The following LAMA5 variants were observed in gnomAD, a reference collection of about 807,000 sequenced individuals.
LAMA5 encodes the protein laminin subunit alpha-5.
LAMA5 carries 260 observed loss-of-function variants against 433.4 expected under a neutral mutation model. The observed-to-expected ratio is 0.60, with a 90% CI of 0.54 to 0.66. The LOEUF is 0.66. Ranked by LOEUF, LAMA5 falls within the 30% of genes least tolerant of loss-of-function variation. The probability of loss-of-function intolerance (pLI) is 0.00; values close to 1 mark genes in which losing one functional copy is unlikely to be tolerated. For missense variants in LAMA5, 5,378 were observed against 5,258.5 expected (o/e 1.02, Z -0.70); for synonymous variants, 2,620 against 2,226.6 (o/e 1.18, Z -4.97).
rs746842494 is a variant in LAMA5, at chr20:62,309,821, T to A, written c.10843A>T (p.Asn3615Tyr). ...GCGTCCACCTCCAGCCGGAGCACAT[T>A]CCCGCTTTTCATCACTGGGAGAAAG... Reference protein sequence around the residue: ...WHRLAVMKSGNVLRLEVDAQS... With the variant: ...WHRLAVMKSGYVLRLEVDAQS... The change falls in exon 79 of 80, where the codon AAT becomes TAT. Residue 3615 changes from asparagine (N) to tyrosine (Y), a missense_variant. Asn to Tyr is a moderately radical substitution (Grantham distance 143, BLOSUM62 -2). Coordinates refer to ENST00000252999, the MANE Select transcript of LAMA5 (RefSeq NM_005560.6). 1.3e-5 allele frequency: 21 copies of A among 1,611,336 alleles called. No homozygotes were observed. The highest frequency in any genetic ancestry group is 1.6e-4 in the Middle Eastern group (1 of 6,066).
intron 8 of LAMA5, 34 bp from the exon 9 acceptor site, chr20:62,346,630 T>G: frequency 6.2e-7 from 1 of 1,609,178 alleles, no homozygotes; most frequent in East Asian, 2.2e-5. Context: ...TCTGGGGAGG[T>G]CCCTGCCCCA....
chr20:62,334,882 G>C (rs1306348641), intron 20 of LAMA5, 139 bp downstream of exon 20: 1 of 807,148 alleles, frequency 1.2e-6, no homozygotes, highest in African/African-American at 1.7e-5. Flanking sequence ...CCCTGGCACA[G>C]GCTGGCACCA....
rs35537683 is a variant in LAMA5 at position 62,349,270 on chromosome 20, C to CAAAA, written c.957-2246_957-2243dup. 4.6e-3 allele frequency among the ~76,000 whole-genome samples: 214 copies of CAAAA among 46,562 alleles called. 11 individuals carry two copies. Among genetic ancestry groups the CAAAA allele is most frequent in the African/African-American group, 0.011 (107 of 9,430 alleles). The allele number at this position is 46,562 out of a possible 152,430, so 30.5% of individuals were successfully genotyped here. A position where few individuals can be genotyped will look rare whatever the true frequency, so the allele number is the denominator to read the frequency against. On this transcript the variant is annotated intron_variant, in intron 6 of 79. Transcript: ENST00000252999. ...TGGGCAACAGAGTGAGACTCCATCTCAAAAAAAAAAAAAAAAAAAAAAAGC... is the reference window on the plus strand; with the variant it reads ...TGGGCAACAGAGTGAGACTCCATCTCAAAAAAAAAAAAAAAAAAAAAAAAAAAGC...
chr20:62,316,350 T>A, intron 57 of LAMA5: 1 of 548,326 alleles, frequency 1.8e-6, no homozygotes, highest in Non-Finnish European at 3.3e-6. Context: ...CACACCTTTC[T>A]CATTGCGCAG....
chr20:62,314,985 G>A (rs770715112), intron 59 of LAMA5, 38 bp from the exon 60 acceptor site: 48 of 1,576,596 alleles, frequency 3.0e-5, no homozygotes, highest in Middle Eastern at 1.7e-4. Flanking sequence ...GCCCCCCACC[G>A]TGCCCGCCTC....
At chr20:62,361,419 G>A (rs958066102) in intron 2 of LAMA5, among the ~76,000 whole-genome samples, 2 of 152,148 alleles carry the variant, frequency 1.3e-5, no homozygotes. Flanking sequence ...TGCCCAGCCC[G>A]GGCCAGGCCT....
At chr20:62,353,044 A>G (rs955089863) in intron 3 of LAMA5, 90 bp downstream of exon 3, 1 of 913,962 alleles carries the variant, frequency 1.1e-6, no homozygotes, top group Non-Finnish European at 1.7e-6. Context: ...AGGGCTGGGT[A>G]TTCGGAGACC....
At chr20:62,327,136 T>C in intron 38 of LAMA5, 97 bp downstream of exon 38, 1 of 1,256,412 alleles carries the variant, frequency 8.0e-7, no homozygotes. Context: ...CCCATGGAGC[T>C]CCCCCTCCCT....
chr20:62,352,938 G>A (rs1274946513), intron 3 of LAMA5, 196 bp downstream of exon 3: 2 of 525,630 alleles, frequency 3.8e-6, no homozygotes, highest in Non-Finnish European at 6.7e-6. Flanking sequence ...CCCTGGACTT[G>A]GCTGTGCCCG....
chr20:62,358,543 C>T (rs933717789), intron 2 of LAMA5, among the ~76,000 whole-genome samples: 5 of 152,190 alleles, frequency 3.3e-5, no homozygotes, highest in Admixed American at 2.6e-4. Flanking sequence ...TAGGCCTGCC[C>T]AGGGCCCAAG....
chr20:62,332,743 G>A (rs1244106910), intron 26 of LAMA5, 26 bp from the exon 27 acceptor site: 2 of 1,606,352 alleles, frequency 1.2e-6, no homozygotes, highest in Non-Finnish European at 8.5e-7. Context: ...GGTGACGGGA[G>A]GCCCGCCACC....
intron 6 of LAMA5, among the ~76,000 whole-genome samples, chr20:62,350,741 CT>C (rs1414781166): frequency 6.6e-6 from 1 of 152,160 alleles, no homozygotes; most frequent in Non-Finnish European, 1.5e-5. Context: ...CACTGCCACC[CT>C]AGGGTGTTAC....
At chr20:62,342,147 C>CA in intron 11 of LAMA5, 1 of 199,328 alleles carries the variant, frequency 5.0e-6, no homozygotes, top group East Asian at 1.9e-4. Flanking sequence ...ACTAAAAATA[C>CA]AAAAAATTGG....
rs1383913992 is a variant in LAMA5 at position 62,346,214 on chromosome 20, G to A, written c.1284C>T (p.Arg428=). 2 of 1,610,868 alleles carry A rather than the reference G, an allele frequency of 1.2e-6. No individual in the cohort carries two copies. Among genetic ancestry groups the A allele is most frequent in the African/African-American group, 1.3e-5 (1 of 74,914 alleles). Residue 428 remains arginine (R), a splice_region_variant and synonymous_variant, in exon 10 of 80, where the codon CGC becomes CGT. Transcript: ENST00000252999. ...CCGTGAAGTCGGACTCGCAGTTGCA[G>A]CCTGGGCAGGGGCAGGAGCCGGGTA... The part of the protein sequence containing the change: ...HPLDSPHVCR[R]CNCESDFTDG...
Position 62,329,875 on chromosome 20 carries a change from G to T in LAMA5, c.4021C>A (p.Arg1341Ser). The change falls in exon 32 of 80, where the codon CGC becomes AGC. Residue 1341 changes from arginine (R) to serine (S), a missense_variant. Coordinates refer to ENST00000252999, the MANE Select transcript of LAMA5 (RefSeq NM_005560.6). ...ASFCPHGYGC[R>S]TLVVCEGQAL... is the part of the protein sequence containing the mutation. ...TGGCCCTCACACACCACCAGGGTGC[G>T]GCAGCCGTAGCCATGTGGACAGAAG... The T allele has an allele frequency of 6.2e-7, 1 of 1,611,100 alleles. No homozygotes were observed. The highest frequency in any genetic ancestry group is 2.2e-5 in the East Asian group (1 of 44,866).
chr20:62,317,044 GA>G, intron 55 of LAMA5, 21 bp from the exon 56 acceptor site: 1 of 1,514,628 alleles, frequency 6.6e-7, no homozygotes, highest in Non-Finnish European at 8.8e-7. Context: ...AGGGAGGGTC[GA>G]AGGAGTGGGT....
At position 62,312,540 on chromosome 20, in the gene LAMA5, GA is replaced by G. The variant is rs1175501879; in HGVS notation, c.9228-9del. Reference sequence around the variant, plus strand: ...GGGAAGAGCCGTCGCAGGCTGTGGGGAAGCGGGGATGCGGGTCAGGGCGCCA... The same window carrying G: ...GGGAAGAGCCGTCGCAGGCTGTGGGGAGCGGGGATGCGGGTCAGGGCGCCA... On this transcript the variant is annotated splice_polypyrimidine_tract_variant and intron_variant, in intron 67 of 79. Coordinates refer to ENST00000252999, the MANE Select transcript of LAMA5 (RefSeq NM_005560.6). The G allele has an allele frequency of 8.1e-6, 13 of 1,599,386 alleles. No individual in the cohort carries two copies. Among genetic ancestry groups the G allele is most frequent in the African/African-American group, 1.3e-5 (1 of 74,902 alleles).
chr20:62,365,629 C>A (rs1986635008), intron 1 of LAMA5, among the ~76,000 whole-genome samples: 1 of 152,198 alleles, frequency 6.6e-6, no homozygotes, highest in Admixed American at 6.5e-5. Flanking sequence ...GAGACAGTCA[C>A]AGGCCCTCCG....
chr20:62,328,566 C>A, intron 34 of LAMA5, 121 bp from the exon 35 acceptor site: 1 of 1,082,244 alleles, frequency 9.2e-7, no homozygotes, highest in African/African-American at 1.6e-5. Flanking sequence ...AGAACAGGGA[C>A]CCCTGCCCCG....
Sources: gnomAD v4.1 joint callset for allele counts (sites outside exome capture counted in the v4.1 genomes callset) on GRCh38, gnomAD v4.1.1 for gene constraint, MANE v1.5 for transcripts, NCBI Gene and HGNC (gene_info 2026-07-23, HGNC 2026-07-21) for gene names.